The following HDAC9 variants were observed in gnomAD, a reference collection of about 807,000 sequenced individuals.
HDAC9 encodes the protein histone deacetylase 9, also known as MEF-2 interacting transcription repressor (MITR) protein.
Under a neutral mutation model 139.4 loss-of-function variants are expected in HDAC9, and 41 were observed. The ratio of observed to expected loss-of-function variants is 0.29; its 90% CI spans 0.23 to 0.38. HDAC9 has a LOEUF of 0.38. HDAC9 is among the 10% of genes least tolerant of loss of function. The pLI is 1.00. For missense variants in HDAC9, 1,147 were observed against 1,297.0 expected (o/e 0.88, Z 1.78); for synonymous variants, 517 against 476.2 (o/e 1.09, Z -1.12).
At chr7:18,569,687 C>A (rs556196271) in intron 2 of HDAC9, among the ~76,000 whole-genome samples, 1 of 152,048 alleles carries the variant, frequency 6.6e-6, no homozygotes, top group Admixed American at 6.6e-5. Flanking sequence ...TTTTCTTATG[C>A]CAAATTATAA....
intron 12 of HDAC9, among the ~76,000 whole-genome samples, chr7:18,692,071 A>G (rs1782712047): frequency 6.6e-6 from 1 of 152,142 alleles, no homozygotes; most frequent in South Asian, 2.1e-4. Flanking sequence ...AATGAGTCTC[A>G]GAAAAGACAG....
intron 1 of HDAC9, among the ~76,000 whole-genome samples, chr7:18,374,758 G>C (rs1784861814): frequency 6.6e-6 from 1 of 151,968 alleles, no homozygotes; most frequent in South Asian, 2.1e-4. Flanking sequence ...TAGATCCTCT[G>C]CTGTTGGCAG....
At chr7:18,131,890 C>G (rs1323653464) in intron 1 of HDAC9, among the ~76,000 whole-genome samples, 2 of 152,246 alleles carry the variant, frequency 1.3e-5, no homozygotes, top group South Asian at 4.1e-4. Flanking sequence ...AATTGGGAGT[C>G]AAAATTTAAG....
chr7:18,995,856 T>C (rs541656693), intron 25 of HDAC9, among the ~76,000 whole-genome samples, 167 bp from the exon 26 acceptor site: 1 of 152,284 alleles, frequency 6.6e-6, no homozygotes, highest in South Asian at 2.1e-4. Flanking sequence ...GTTTTTCCCC[T>C]TGACATTTGT....
intron 1 of HDAC9, among the ~76,000 whole-genome samples, chr7:18,137,147 T>C (rs1484563879): frequency 6.9e-6 from 1 of 144,360 alleles, no homozygotes; most frequent in Non-Finnish European, 1.5e-5. Flanking sequence ...TTTTTGTACA[T>C]TGATTTTGTA....
At chr7:18,611,995 TAAAC>T (rs1837294004) in intron 6 of HDAC9, among the ~76,000 whole-genome samples, 2 of 152,152 alleles carry the variant, frequency 1.3e-5, no homozygotes, top group Non-Finnish European at 2.9e-5. Flanking sequence ...ATGTTTGCCA[TAAAC>T]AAACTTTCAG....
chr7:18,895,891 C>T lies in HDAC9; in HGVS notation c.2803+21295C>T, dbSNP rs530386289. ...AAGTCATTATTTAATCATGATTAAC[C>T]ACTTTTTAAATGGACATATTTCCAA... On this transcript the variant is annotated intron_variant, in intron 22 of 25. Coordinates refer to ENST00000686413, the MANE Select transcript of HDAC9 (RefSeq NM_178425.4). Among the ~76,000 whole-genome samples the T allele has an allele frequency of 2.6e-5, 4 of 152,070 alleles. No individual in the cohort carries two copies. In the South Asian group the frequency reaches 6.2e-4, roughly 24 times the overall value.
intron 13 of HDAC9, among the ~76,000 whole-genome samples, chr7:18,739,307 G>T (rs763101671): frequency 3.9e-5 from 6 of 152,172 alleles, no homozygotes; most frequent in Non-Finnish European, 7.3e-5. Context: ...TCCATTGCTG[G>T]CAAGGGGCTG....
chr7:18,900,799 A>G (rs1212062220), intron 22 of HDAC9, among the ~76,000 whole-genome samples: 1 of 152,080 alleles, frequency 6.6e-6, no homozygotes, highest in African/African-American at 2.4e-5. Flanking sequence ...AAGTACGAAT[A>G]CCACCCCTAC....
At chr7:18,513,566 A>G (rs975908188) in intron 2 of HDAC9, among the ~76,000 whole-genome samples, 1 of 152,188 alleles carries the variant, frequency 6.6e-6, no homozygotes, top group Non-Finnish European at 1.5e-5. Context: ...GCCAATGCCA[A>G]GGCCCTTGAG....
intron 1 of HDAC9, among the ~76,000 whole-genome samples, chr7:18,102,036 A>T (rs1245364119): frequency 2.0e-5 from 3 of 152,208 alleles, no homozygotes; most frequent in Non-Finnish European, 4.4e-5. Context: ...GATTGTTCAT[A>T]TGTCAAGCAA....
At chr7:18,938,053 C>T (rs926366138) in intron 23 of HDAC9, among the ~76,000 whole-genome samples, 5 of 151,912 alleles carry the variant, frequency 3.3e-5, no homozygotes, top group African/African-American at 7.3e-5. Flanking sequence ...TGTTTTGTAC[C>T]TTGCTGCCAT....
chr7:18,800,029 A>G (rs540622663), intron 17 of HDAC9, among the ~76,000 whole-genome samples: 1 of 152,196 alleles, frequency 6.6e-6, no homozygotes. Context: ...GAAGCAACTC[A>G]TCACCTCCAA....
rs1299685289 is a variant in HDAC9, at chr7:18,786,448, T to A, written c.2215-6897T>A. ...TCTGAATGCAAGATGTTTTTTCCCA[T>A]CGCCCTTTCCTTCCTTCCTTTCGTC... On this transcript the variant is annotated intron_variant, in intron 16 of 25. Coordinates refer to ENST00000686413, the MANE Select transcript of HDAC9 (RefSeq NM_178425.4). Among the ~76,000 whole-genome samples, 2 of 144,424 alleles carry A rather than the reference T, an allele frequency of 1.4e-5. 1 individual carries two copies. The highest frequency in any genetic ancestry group is 5.2e-5 in the African/African-American group (2 of 38,726). The allele number at this position is 144,424 out of a possible 152,430, so 94.7% of individuals were successfully genotyped here. A position where few individuals can be genotyped will look rare whatever the true frequency, so the allele number is the denominator to read the frequency against.
At chr7:18,620,667 C>T (rs1416702011) in intron 6 of HDAC9, among the ~76,000 whole-genome samples, 1 of 152,104 alleles carries the variant, frequency 6.6e-6, no homozygotes, top group Non-Finnish European at 1.5e-5. Flanking sequence ...AAAAGTGCTG[C>T]TCTTAGAGGG....
intron 6 of HDAC9, among the ~76,000 whole-genome samples, chr7:18,619,411 A>G (rs1265674825): frequency 6.6e-6 from 1 of 152,188 alleles, no homozygotes; most frequent in Non-Finnish European, 1.5e-5. Flanking sequence ...CATCGAGCCT[A>G]TGTTCTTGCT....
At chr7:18,721,405 C>G (rs1370798055) in intron 12 of HDAC9, among the ~76,000 whole-genome samples, 1 of 151,458 alleles carries the variant, frequency 6.6e-6, no homozygotes, top group Non-Finnish European at 1.5e-5. Flanking sequence ...TTCATATATT[C>G]TTTTGCTTTT....
intron 1 of HDAC9, among the ~76,000 whole-genome samples, chr7:18,404,015 C>G (rs184331265): frequency 1.3e-5 from 2 of 152,234 alleles, no homozygotes; most frequent in Admixed American, 1.3e-4. Flanking sequence ...TTTTAGAGCT[C>G]TCGAGGAGGC....
At chr7:18,888,796 T>C (rs1321615809) in intron 22 of HDAC9, among the ~76,000 whole-genome samples, 1 of 152,240 alleles carries the variant, frequency 6.6e-6, no homozygotes, top group Non-Finnish European at 1.5e-5. Flanking sequence ...GTTATAAATA[T>C]GAATTTTGTA....
Sources: gnomAD v4.1 joint callset for allele counts (sites outside exome capture counted in the v4.1 genomes callset) on GRCh38, gnomAD v4.1.1 for gene constraint, MANE v1.5 for transcripts, NCBI Gene and HGNC (gene_info 2026-07-23, HGNC 2026-07-21) for gene names.